The following PDE3A variants were observed in gnomAD, a reference collection of about 807,000 sequenced individuals.
The protein encoded by PDE3A is cGMP-inhibited 3',5'-cyclic phosphodiesterase 3A.
A neutral mutation model predicts 98.3 loss-of-function variants in PDE3A; 43 were observed. The ratio of observed to expected loss-of-function variants is 0.44; its 90% confidence interval spans 0.34 to 0.56. The LOEUF (loss-of-function observed/expected upper bound fraction) is 0.56, where lower values mean the gene tolerates loss of function less well. Among genes scored for constraint, PDE3A ranks in the 20% least tolerant of loss-of-function variants. The probability of loss-of-function intolerance (pLI) is 0.01; values close to 1 mark genes in which losing one functional copy is unlikely to be tolerated. For synonymous variants in PDE3A, 663 were observed against 567.9 expected (o/e 1.17, Z -2.38); for missense variants, 1,427 against 1,440.7 (o/e 0.99, Z 0.15).
chr12:20,588,791 G>T (rs1943249800), intron 2 of PDE3A, among the ~76,000 whole-genome samples: 1 of 152,118 alleles, frequency 6.6e-6, no homozygotes, highest in South Asian at 2.1e-4. Flanking sequence ...GCTGACCCTG[G>T]GGACACATTC....
intron 1 of PDE3A, among the ~76,000 whole-genome samples, chr12:20,524,729 T>G (rs1946484639): frequency 6.6e-6 from 1 of 151,740 alleles, no homozygotes; most frequent in Admixed American, 6.6e-5. Flanking sequence ...AACCATTGAG[T>G]CTAAGAAGTA....
In PDE3A at chr12:20,557,140, C is replaced by G. The variant is rs11045306; in HGVS notation, c.1011+430C>G. 802 of 166,946 alleles carry G rather than the reference C, an allele frequency of 4.8e-3. 8 individuals carry two copies. The highest frequency in any genetic ancestry group is 0.018 in the African/African-American group (769 of 41,680). The allele number at this position is 166,946 out of a possible 1,614,324, so 10.3% of individuals were successfully genotyped here. On this transcript the variant is annotated intron_variant, in intron 2 of 15. Transcript: ENST00000359062. ...AAGATTTTGTCTCTAAATTAACTCT[C>G]TTCATCTGAGGGAAACAGAAAGATG...
At chr12:20,532,981 C>CT (rs1185927768) in intron 1 of PDE3A, among the ~76,000 whole-genome samples, 2 of 149,900 alleles carry the variant, frequency 1.3e-5, no homozygotes, top group Non-Finnish European at 3.0e-5. Flanking sequence ...CGGCCAGTTT[C>CT]TTTTTATTGA....
chr12:20,388,453 T>A (rs972412661), intron 1 of PDE3A, among the ~76,000 whole-genome samples: 1 of 151,984 alleles, frequency 6.6e-6, no homozygotes, highest in African/African-American at 2.4e-5. Flanking sequence ...TTACCAAGGC[T>A]TTTTGGTGTC....
At chr12:20,584,634 A>G (rs1314718217) in intron 2 of PDE3A, among the ~76,000 whole-genome samples, 1 of 152,148 alleles carries the variant, frequency 6.6e-6, no homozygotes, top group Non-Finnish European at 1.5e-5. Flanking sequence ...TTGTCCCTTT[A>G]TTACATTACA....
intron 4 of PDE3A, among the ~76,000 whole-genome samples, chr12:20,618,691 G>A (rs11045333): frequency 6.6e-6 from 1 of 151,886 alleles, no homozygotes; most frequent in Non-Finnish European, 1.5e-5. Flanking sequence ...TAATTGGAGG[G>A]GTAAATTAGA....
At chr12:20,382,053 C>T (rs1943673058) in intron 1 of PDE3A, among the ~76,000 whole-genome samples, 1 of 151,838 alleles carries the variant, frequency 6.6e-6, no homozygotes, top group South Asian at 2.1e-4. Flanking sequence ...TCATTTGACA[C>T]TCTCTAAATC....
In PDE3A at chr12:20,556,690, C is replaced by T. The variant is rs1394499677; in HGVS notation, c.991C>T (p.Arg331Ter). The T allele has an allele frequency of 1.9e-6, 3 of 1,609,626 alleles. No homozygotes were observed. The highest frequency in any genetic ancestry group is 2.6e-6 in the Non-Finnish European group (3 of 1,176,114). The change falls in exon 2 of 16, where the codon CGA becomes TGA. Residue 331 changes from arginine (R) to a stop codon, truncating the protein, a stop_gained. Coordinates refer to ENST00000359062, the MANE Select transcript of PDE3A (RefSeq NM_000921.5). LOFTEE classifies it high-confidence loss of function. The stretch of plus-strand genomic sequence containing the variant: ...GGGGCATTCAGAATGGGACCACAAA[C>T]GAGGGCCAAGAGGATCACAGGTAAG... Reference protein sequence around the residue: ...LMGHSEWDHKRGPRGSQSSGT... With the variant: ...LMGHSEWDHK
intron 1 of PDE3A, among the ~76,000 whole-genome samples, chr12:20,524,903 G>A (rs1476607466): frequency 1.3e-5 from 2 of 152,102 alleles, no homozygotes; most frequent in Non-Finnish European, 2.9e-5. Flanking sequence ...GGGAGACTGA[G>A]GCGGGTGGAT....
chr12:20,582,976 A>C (rs1186304106), intron 2 of PDE3A, among the ~76,000 whole-genome samples: 1 of 152,170 alleles, frequency 6.6e-6, no homozygotes, highest in African/African-American at 2.4e-5. Context: ...CCAAGGAACA[A>C]TTTAAAAATT....
At chr12:20,522,659 A>T (rs915991909) in intron 1 of PDE3A, among the ~76,000 whole-genome samples, 2 of 152,012 alleles carry the variant, frequency 1.3e-5, no homozygotes, top group African/African-American at 4.8e-5. Flanking sequence ...TGGAATTGTG[A>T]TGTCTTTAGA....
At chr12:20,406,098 T>C (rs1944228338) in intron 1 of PDE3A, among the ~76,000 whole-genome samples, 1 of 152,208 alleles carries the variant, frequency 6.6e-6, no homozygotes, top group Admixed American at 6.5e-5. Flanking sequence ...CACACATACA[T>C]ATACACACAT....
At chr12:20,500,922 T>A (rs1946013380) in intron 1 of PDE3A, among the ~76,000 whole-genome samples, 1 of 151,906 alleles carries the variant, frequency 6.6e-6, no homozygotes, top group South Asian at 2.1e-4. Flanking sequence ...TGTGCGCTAC[T>A]ATGCCCAGCT....
chr12:20,372,353 A>G (rs1279843558), intron 1 of PDE3A, among the ~76,000 whole-genome samples: 1 of 152,066 alleles, frequency 6.6e-6, no homozygotes, highest in Non-Finnish European at 1.5e-5. Flanking sequence ...GCTTGATGGA[A>G]ACACAAGAAT....
intron 1 of PDE3A, among the ~76,000 whole-genome samples, chr12:20,504,622 G>C (rs1010863640): frequency 1.2e-4 from 18 of 152,032 alleles, no homozygotes; most frequent in African/African-American, 4.3e-4. Flanking sequence ...ATCTGAGAGG[G>C]ATCTGTTTCC....
At chr12:20,665,246 C>A (rs1406369854) in intron 15 of PDE3A, among the ~76,000 whole-genome samples, 1 of 152,138 alleles carries the variant, frequency 6.6e-6, no homozygotes, top group Non-Finnish European at 1.5e-5. Flanking sequence ...GAACTGAGGA[C>A]AACATTTTGG....
intron 2 of PDE3A, among the ~76,000 whole-genome samples, chr12:20,572,611 T>TAGAA (rs1942826389): frequency 6.6e-6 from 1 of 152,072 alleles, no homozygotes; most frequent in Non-Finnish European, 1.5e-5. Flanking sequence ...CCTCGTGGAT[T>TAGAA]AGTAGCATAT....
chr12:20,373,366 C>T (rs549953500), intron 1 of PDE3A, among the ~76,000 whole-genome samples: 5 of 151,702 alleles, frequency 3.3e-5, no homozygotes, highest in South Asian at 4.2e-4. Context: ...GCCCTCGGCC[C>T]GAAACATGGG....
chr12:20,540,461 C>T (rs1164841326), intron 1 of PDE3A, among the ~76,000 whole-genome samples: 2 of 152,036 alleles, frequency 1.3e-5, no homozygotes, highest in African/African-American at 2.4e-5. Context: ...GATTTGCCAT[C>T]TTCTGAGAAT....
Sources: gnomAD v4.1 joint callset for allele counts (sites outside exome capture counted in the v4.1 genomes callset) on GRCh38, gnomAD v4.1.1 for gene constraint, MANE v1.5 for transcripts, NCBI Gene and HGNC (gene_info 2026-07-23, HGNC 2026-07-21) for gene names.